Variants in ZNF383 observed in about 807,000 individuals in gnomAD.
The protein encoded by ZNF383 is zinc finger protein 383.
In ZNF383, 32 loss-of-function variants were observed where a neutral mutation model predicts 44.2. That is an observed-to-expected ratio of 0.72 (90% confidence interval 0.55 to 0.97). ZNF383 has a LOEUF of 0.97. Among genes scored for constraint, ZNF383 ranks in the 50% least tolerant of loss-of-function variants. The pLI, the probability that ZNF383 is intolerant of heterozygous loss-of-function variation, is 0.00. For missense variants in ZNF383, 487 were observed against 562.5 expected, an observed-to-expected ratio of 0.87 and a Z score of 1.36; for synonymous variants, 155 against 186.2, an observed-to-expected ratio of 0.83 and a Z score of 1.36.
chr19:37,224,374 A>G (rs1009102129), intron 1 of ZNF383, among the ~76,000 whole-genome samples: 19 of 152,212 alleles, frequency 1.2e-4, no homozygotes, highest in African/African-American at 3.6e-4. Flanking sequence ...ATATCTGATA[A>G]GAGGAAAATT....
chr19:37,220,007 A>C (rs541181016), intron 1 of ZNF383, among the ~76,000 whole-genome samples: 8 of 152,298 alleles, frequency 5.3e-5, no homozygotes, highest in Non-Finnish European at 1.0e-4. Context: ...TGTCTCACAC[A>C]CACCCACCCA....
chr19:37,242,484 G>T lies in ZNF383; in HGVS notation c.248G>T (p.Cys83Phe). 2 of 1,589,972 alleles carry T rather than the reference G, an allele frequency of 1.3e-6. No homozygotes were observed. The highest frequency in any genetic ancestry group is 1.3e-5 in the African/African-American group (1 of 74,158). Residue 83 changes from cysteine to phenylalanine, a missense_variant, in exon 6 of 6, where the codon TGT becomes TTT. By Grantham distance (205) the Cys-to-Phe change is radical (BLOSUM62 -2). Transcript: ENST00000684119. ...RGLCSDLESMCETKLLSLKKE... is the reference protein window; with the variant it reads ...RGLCSDLESMFETKLLSLKKE... Reference sequence around the variant, plus strand: ...TTTCTTTCAGATCTGGAATCGATGTGTGAAACCAAGTTATTATCTCTAAAG... The same window carrying T: ...TTTCTTTCAGATCTGGAATCGATGTTTGAAACCAAGTTATTATCTCTAAAG...
intron 2 of ZNF383, among the ~76,000 whole-genome samples, chr19:37,228,406 A>T (rs1046443547): frequency 3.3e-5 from 5 of 151,168 alleles, no homozygotes; most frequent in African/African-American, 1.2e-4. Flanking sequence ...AATGCTACAA[A>T]CTAATGATTA....
chr19:37,229,229 A>G lies in ZNF383; in HGVS notation c.-45-1180A>G, dbSNP rs185504630. On this transcript the variant is annotated intron_variant, in intron 2 of 5. Transcript: ENST00000684119. The stretch of plus-strand genomic sequence containing the variant: ...GAGTGCAATGGCGTGATCTCGGCTC[A>G]TTGCAGTCTCCACCTCCTGGGTTCA... Among the ~76,000 whole-genome samples, 937 of 140,340 alleles carry G rather than the reference A, an allele frequency of 6.7e-3. 28 individuals carry two copies. The highest frequency in any genetic ancestry group is 0.054 in the East Asian group (264 of 4,856). The allele number at this position is 140,340 out of a possible 152,430, so 92.1% of individuals were successfully genotyped here. A position where few individuals can be genotyped will look rare whatever the true frequency, so the allele number is the denominator to read the frequency against.
In ZNF383 at chr19:37,243,670, A is replaced by T. The variant is rs1449071460; in HGVS notation, c.*6A>T. 2.0e-6 allele frequency: 3 copies of T among 1,482,438 alleles called. No individual in the cohort carries two copies. The East Asian group carries it at 6.8e-5, about 34-fold the overall frequency. The allele number at this position is 1,482,438 out of a possible 1,614,324, so 91.8% of individuals were successfully genotyped here. On this transcript the variant is annotated 3_prime_UTR_variant, in exon 6 of 6. Transcript: ENST00000684119. ...GAATTCATACTAATAAATAATAAAA[A>T]TTAAAGCCCCTGTCACCTTCCTCAT...
intron 3 of ZNF383, among the ~76,000 whole-genome samples, chr19:37,232,308 C>T (rs1034803765): frequency 6.6e-6 from 1 of 152,010 alleles, no homozygotes; most frequent in African/African-American, 2.4e-5. Flanking sequence ...CTCCTGACCT[C>T]GGGATCCACC....
At chr19:37,220,969 A>G (rs765137735) in intron 1 of ZNF383, among the ~76,000 whole-genome samples, 4 of 152,182 alleles carry the variant, frequency 2.6e-5, no homozygotes, top group Non-Finnish European at 5.9e-5. Context: ...GCTGCTATAC[A>G]TAGCTGCAGT....
chr19:37,237,210 T>C (rs927322540), intron 5 of ZNF383, among the ~76,000 whole-genome samples: 1 of 152,202 alleles, frequency 6.6e-6, no homozygotes, highest in Non-Finnish European at 1.5e-5. Context: ...TATATACATA[T>C]ATGACTTCCA....
Position 37,242,741 on chromosome 19 carries a change from C to A in ZNF383, c.505C>A (p.Pro169Thr). The part of the protein sequence containing the change: ...LHQIINNEDR[P>T]YECKKCGKAF... ...TCAAATAATTAATAATGAAGACAGA[C>A]CCTATGAATGTAAGAAATGTGGAAA... is the stretch of plus-strand genomic sequence containing the variant. The change falls in exon 6 of 6, where the codon CCC (proline) becomes ACC (threonine). Residue 169 changes from proline (P) to threonine (T), a missense_variant. By Grantham distance (38) the Pro-to-Thr change is conservative. Coordinates refer to ENST00000684119, the MANE Select transcript of ZNF383 (RefSeq NM_001387601.1). The A allele has an allele frequency of 6.2e-7, 1 of 1,614,038 alleles. No homozygotes were observed. Among genetic ancestry groups the A allele is most frequent in the Non-Finnish European group, 8.5e-7 (1 of 1,179,990 alleles).
chr19:37,231,110 A>G (rs1361335834), intron 3 of ZNF383, among the ~76,000 whole-genome samples: 1 of 152,244 alleles, frequency 6.6e-6, no homozygotes, highest in East Asian at 1.9e-4. Flanking sequence ...GGATGTTTAC[A>G]ATGGTTCAGC....
Position 37,236,380 on chromosome 19 carries a change from ACTCT to A in ZNF383, c.232+313_232+316del, listed in dbSNP as rs914139241. On this transcript the variant is annotated intron_variant, in intron 5 of 5. Coordinates refer to ENST00000684119, the MANE Select transcript of ZNF383 (RefSeq NM_001387601.1). ...ATTCAGCTGCTTGCTAGCTTTTTTTACTCTCTCTCTTTTTTTTTCTTTTTTTTTA... is the reference window on the plus strand; with the variant it reads ...ATTCAGCTGCTTGCTAGCTTTTTTTACTCTCTTTTTTTTTCTTTTTTTTTA... Among the ~76,000 whole-genome samples the A allele has an allele frequency of 1.7e-4, 25 of 149,230 alleles. 1 individual carries two copies. The highest frequency in any genetic ancestry group is 6.2e-4 in the African/African-American group (25 of 40,510).
chr19:37,243,369 G>A lies in ZNF383; in HGVS notation c.1133G>A (p.Ser378Asn). ...CKECGKAFTQ[S>N]SQLRQHQRIH... is the part of the protein sequence containing the mutation. ...GAATGTGGAAAGGCTTTTACTCAGA[G>A]CTCACAGCTTCGTCAACATCAGAGA... The change falls in exon 6 of 6, where the codon AGC (serine) becomes AAC (asparagine). Residue 378 changes from serine to asparagine, a missense_variant. Coordinates refer to ENST00000684119, the MANE Select transcript of ZNF383 (RefSeq NM_001387601.1). 6.2e-7 allele frequency: 1 copy of A among 1,614,158 alleles called. No homozygotes were observed. Among genetic ancestry groups the A allele is most frequent in the Non-Finnish European group, 8.5e-7 (1 of 1,180,028 alleles).
rs73627729 is a variant in ZNF383 at position 37,224,231 on chromosome 19, C to G, written c.-167-587C>G. ...GGTGTACGTGTTTTGCTGTACATAA[C>G]GAACATATATTGAAATACAAAATGA... On this transcript the variant is annotated intron_variant, in intron 1 of 5. Transcript: ENST00000684119. Among the ~76,000 whole-genome samples the G allele has an allele frequency of 9.0e-3, 1,363 of 151,924 alleles. 20 individuals are homozygous for G. Among genetic ancestry groups the G allele is most frequent in the African/African-American group, 0.032 (1,306 of 41,434 alleles).
rs1027360021 is a variant in ZNF383, at chr19:37,247,924, C to T, written c.*4260C>T. On this transcript the variant is annotated 3_prime_UTR_variant, in exon 6 of 6. Transcript: ENST00000684119. ...CCAAGGCGGGTGGATCACCTGAGGTCGGGGATTTGAGACCAGCCTGACCAA... is the reference window on the plus strand; with the variant it reads ...CCAAGGCGGGTGGATCACCTGAGGTTGGGGATTTGAGACCAGCCTGACCAA... The T allele has an allele frequency of 6.6e-6, 1 of 152,092 alleles. No homozygotes were observed. The highest frequency in any genetic ancestry group is 1.5e-5 in the Non-Finnish European group (1 of 68,024). The allele number at this position is 152,092 out of a possible 1,614,324, so 9.4% of individuals were successfully genotyped here.
intron 2 of ZNF383, 69 bp from the exon 3 acceptor site, chr19:37,230,340 C>G: frequency 9.1e-7 from 1 of 1,095,994 alleles, no homozygotes; most frequent in Non-Finnish European, 1.4e-6. Flanking sequence ...TTTTATCTGA[C>G]CTCTAGTGTG....
At chr19:37,234,022 G>A (rs1029990869) in intron 3 of ZNF383, among the ~76,000 whole-genome samples, 2 of 151,774 alleles carry the variant, frequency 1.3e-5, no homozygotes, top group Non-Finnish European at 2.9e-5. Flanking sequence ...GTGTCACCAC[G>A]CCCAGCTAAT....
rs1657508 is a variant in ZNF383, at chr19:37,243,986, C to T, written c.*322C>T. 1.5e-5 allele frequency: 3 copies of T among 204,278 alleles called. No individual in the cohort carries two copies. The South Asian group carries it at 4.8e-4, about 33-fold the overall frequency. 12.7% of individuals were successfully genotyped at this position (204,278 alleles called of 1,614,324 possible). A position where few individuals can be genotyped will look rare whatever the true frequency, so the allele number is the denominator to read the frequency against. On this transcript the variant is annotated 3_prime_UTR_variant, in exon 6 of 6. Coordinates refer to ENST00000684119, the MANE Select transcript of ZNF383 (RefSeq NM_001387601.1). ...TATTTGTGTTTGCACCAGTATCACA[C>T]TGTTTGAATTGTGTGACCTTTAATA...
chr19:37,221,685 G>A (rs950373607), intron 1 of ZNF383, among the ~76,000 whole-genome samples: 19 of 145,652 alleles, frequency 1.3e-4, no homozygotes, highest in Admixed American at 8.2e-4. Context: ...GCGGTGGCTC[G>A]TGCCTGTAAT....
chr19:37,223,039 A>G (rs1972999362), intron 1 of ZNF383, among the ~76,000 whole-genome samples: 2 of 152,256 alleles, frequency 1.3e-5, no homozygotes, highest in Admixed American at 6.5e-5. Flanking sequence ...CTGAATTTAT[A>G]TGCCTTCATA....
Sources: allele counts gnomAD v4.1 joint callset (sites outside exome capture counted in the v4.1 genomes callset), GRCh38; gene constraint gnomAD v4.1.1; transcripts MANE v1.5; gene names NCBI Gene and HGNC (gene_info 2026-07-23, HGNC 2026-07-21).